The following ZBBX variants were observed in gnomAD, a reference collection of about 807,000 sequenced individuals.
ZBBX encodes the protein zinc finger B-box domain-containing protein 1.
ZBBX carries 101 observed loss-of-function variants against 108.5 expected under a neutral mutation model. That is an observed-to-expected ratio of 0.93 (90% CI 0.79 to 1.10). The LOEUF is 1.10. ZBBX is among the 50% of genes least tolerant of loss of function. ZBBX has a pLI of 0.00. For synonymous variants in ZBBX, 356 were observed against 323.4 expected (o/e 1.10, Z -1.08); for missense variants, 1,009 against 941.4 (o/e 1.07, Z -0.94).
At position 167,314,386 on chromosome 3, in the gene ZBBX, A is replaced by G. The variant is rs370254831; in HGVS notation, c.1275-270T>C. 1.5e-3 allele frequency among the ~76,000 whole-genome samples: 222 copies of G among 152,282 alleles called. 1 individual carries two copies. Among genetic ancestry groups the G allele is most frequent in the African/African-American group, 5.1e-3 (214 of 41,570 alleles). Reference sequence around the variant, plus strand: ...AGTTTGTTTTCCAAAATATATTGAAATAAGTTTGATTTCTTACAGTTTCTT... The same window carrying G: ...AGTTTGTTTTCCAAAATATATTGAAGTAAGTTTGATTTCTTACAGTTTCTT... On this transcript the variant is annotated intron_variant, in intron 15 of 21. Transcript: ENST00000675490.
At chr3:167,271,986 A>G (rs952632026) in intron 20 of ZBBX, among the ~76,000 whole-genome samples, 1 of 152,228 alleles carries the variant, frequency 6.6e-6, no homozygotes, top group Non-Finnish European at 1.5e-5. Flanking sequence ...CATCATTAAA[A>G]AGTTGTCCCA....
At chr3:167,389,172 C>T (rs1748012500) in intron 1 of ZBBX, among the ~76,000 whole-genome samples, 1 of 152,040 alleles carries the variant, frequency 6.6e-6, no homozygotes, top group Admixed American at 6.6e-5. Flanking sequence ...TGTTTCCCTC[C>T]CTGTGCCCAT....
chr3:167,292,515 A>T (rs1445453566), intron 18 of ZBBX, among the ~76,000 whole-genome samples: 1 of 152,206 alleles, frequency 6.6e-6, no homozygotes, highest in African/African-American at 2.4e-5. Flanking sequence ...GAACAAAGAC[A>T]TAATGTACCA....
chr3:167,296,453 C>T (rs999871674), intron 18 of ZBBX, among the ~76,000 whole-genome samples: 1 of 151,978 alleles, frequency 6.6e-6, no homozygotes, highest in Non-Finnish European at 1.5e-5. Context: ...TCTTTGTTCA[C>T]AGATGGTGTG....
intron 10 of ZBBX, among the ~76,000 whole-genome samples, chr3:167,333,403 G>C (rs907808289): frequency 9.2e-5 from 14 of 152,056 alleles, no homozygotes; most frequent in Non-Finnish European, 1.8e-4. Context: ...CCAGAATTTG[G>C]TATAAATCTG....
At chr3:167,334,749 T>A (rs1450073426) in intron 9 of ZBBX, among the ~76,000 whole-genome samples, 1 of 152,008 alleles carries the variant, frequency 6.6e-6, no homozygotes, top group Admixed American at 6.6e-5. Flanking sequence ...CGATATTTTG[T>A]GCACATCATA....
chr3:167,398,564 T>C (rs574890018), intron 1 of ZBBX, among the ~76,000 whole-genome samples: 11 of 152,202 alleles, frequency 7.2e-5, no homozygotes, highest in Non-Finnish European at 1.5e-4. Flanking sequence ...ATGTAATATA[T>C]ATAAACCTAC....
chr3:167,216,636 T>C, the ZBBX span, among the ~76,000 whole-genome samples: 1 of 151,874 alleles, frequency 6.6e-6, no homozygotes, highest in African/African-American at 2.4e-5. Flanking sequence ...AAAATTTATA[T>C]GGAACAAAAA....
the ZBBX span, among the ~76,000 whole-genome samples, chr3:167,232,210 C>A: frequency 6.6e-6 from 1 of 151,744 alleles, no homozygotes; most frequent in Admixed American, 6.6e-5. Context: ...GTGCAATGAA[C>A]TGTGTTTCAC....
chr3:167,199,367 C>G, the ZBBX span, among the ~76,000 whole-genome samples: 3 of 152,102 alleles, frequency 2.0e-5, no homozygotes, highest in African/African-American at 7.2e-5. Flanking sequence ...ATACTTTAGG[C>G]AGTGAGACTC....
rs528791545 is a variant in ZBBX, at chr3:167,378,843, C to G, written c.-132+795G>C. ...GAAGGCTGCCTGTATCATGAAGATT[C>G]CCTCCATCGAAACCGAGCTTCTCCT... On this transcript the variant is annotated intron_variant, in intron 2 of 21. Transcript: ENST00000675490. Among the ~76,000 whole-genome samples, 25 of 152,270 alleles carry G rather than the reference C, an allele frequency of 1.6e-4. No individual in the cohort carries two copies. The South Asian group carries it at 5.2e-3, about 32-fold the overall frequency.
At chr3:167,195,008 G>A in the ZBBX span, among the ~76,000 whole-genome samples, 4 of 152,264 alleles carry the variant, frequency 2.6e-5, no homozygotes, top group Non-Finnish European at 4.4e-5. Flanking sequence ...CACGAGAAAC[G>A]TCAGCAAGCT....
intron 20 of ZBBX, among the ~76,000 whole-genome samples, chr3:167,256,714 A>T (rs1429619784): frequency 6.6e-6 from 1 of 151,790 alleles, no homozygotes; most frequent in Non-Finnish European, 1.5e-5. Flanking sequence ...AATAAGCAAG[A>T]ACGTGCTATA....
At chr3:167,370,074 T>G (rs1421689692) in intron 4 of ZBBX, among the ~76,000 whole-genome samples, 1 of 151,982 alleles carries the variant, frequency 6.6e-6, no homozygotes, top group African/African-American at 2.4e-5. Flanking sequence ...TTTAAGAGAA[T>G]TGATCAGACT....
chr3:167,309,338 C>T (rs1161276313), intron 16 of ZBBX, among the ~76,000 whole-genome samples: 3 of 152,194 alleles, frequency 2.0e-5, no homozygotes, highest in African/African-American at 7.2e-5. Context: ...CACAGCTGCA[C>T]TAGGCAGTGC....
At chr3:167,329,494 A>G (rs1241814229) in intron 10 of ZBBX, among the ~76,000 whole-genome samples, 2 of 152,324 alleles carry the variant, frequency 1.3e-5, no homozygotes, top group East Asian at 3.9e-4. Flanking sequence ...CGTTGGCCAC[A>G]GAAACACAGG....
In ZBBX at chr3:167,372,786, G is replaced by T. The variant is rs140060012; in HGVS notation, c.68+48C>A. 4.3e-3 allele frequency: 4,116 copies of T among 959,140 alleles called. 97 individuals are homozygous for T. The African/African-American group carries it at 0.057, about 13-fold the overall frequency. 59.4% of individuals were successfully genotyped at this position (959,140 alleles called of 1,614,324 possible). A position where few individuals can be genotyped will look rare whatever the true frequency, so the allele number is the denominator to read the frequency against. On this transcript the variant is annotated intron_variant, in intron 4 of 21. Transcript: ENST00000675490. ...AAAATAGTCAAAATTACAATATACA[G>T]AAGCTTTGCAACTATTCCTATTAAG...
chr3:167,337,324 C>A (rs1265825873), intron 9 of ZBBX, among the ~76,000 whole-genome samples: 4 of 152,010 alleles, frequency 2.6e-5, no homozygotes, highest in Non-Finnish European at 1.5e-5. Flanking sequence ...TCAAGACCAA[C>A]CTGGCTAAAA....
chr3:167,397,866 A>T lies in ZBBX; in HGVS notation c.-446+9860T>A, dbSNP rs530201546. ...AACAAACTCACTTGCAAAAAAAAAA[A>T]AATTAGGTTACATTTGTTTGCTTGT... On this transcript the variant is annotated intron_variant, in intron 1 of 21. Coordinates refer to the ZBBX transcript ENST00000455345. Among the ~76,000 whole-genome samples the T allele has an allele frequency of 2.0e-5, 3 of 151,974 alleles. No homozygotes were observed. In the South Asian group the frequency reaches 6.2e-4, roughly 32 times the overall value.
Sources: gnomAD v4.1 joint callset for allele counts (sites outside exome capture counted in the v4.1 genomes callset) on GRCh38, gnomAD v4.1.1 for gene constraint, MANE v1.5 for transcripts, NCBI Gene and HGNC (gene_info 2026-07-23, HGNC 2026-07-21) for gene names.